GJB1: variants seen among roughly 807,000 people sequenced by gnomAD.
The protein encoded by GJB1 is gap junction protein beta 1.
A neutral mutation model predicts 12.0 loss-of-function variants in GJB1; 1 was observed. The ratio of observed to expected loss-of-function variants is 0.08; its 90% CI spans 0.03 to 0.40. The LOEUF (loss-of-function observed/expected upper bound fraction) is 0.40, where lower values mean the gene tolerates loss of function less well. Among genes scored for constraint, GJB1 ranks in the 10% least tolerant of loss-of-function variants. The pLI is 0.98. For synonymous variants in GJB1, 114 were observed against 102.8 expected (o/e 1.11, Z -0.66); for missense variants, 140 against 250.3 (o/e 0.56, Z 2.97).
At position 71,224,545 on chromosome X, in the gene GJB1, T is replaced by C; in HGVS notation, c.838T>C (p.Cys280Arg). 1 of 1,185,059 alleles carries C rather than the reference T, an allele frequency of 8.4e-7. No individual in the cohort carries two copies. The highest frequency in any genetic ancestry group is 1.1e-6 in the Non-Finnish European group (1 of 881,900). Residue 280 changes from cysteine (C) to arginine (R), a missense_variant, in exon 2 of 2, where the codon TGC becomes CGC. Around this residue, in one of 4 missense-constraint regions of GJB1, gnomAD observed 75 missense variants for 78.8 expected, o/e 0.95. Transcript: ENST00000361726. The part of the protein sequence containing the change: ...GAGLAEKSDR[C>R]SAC ...TGGGCTGGCTGAAAAGAGCGACCGC[T>C]GCTCGGCCTGCTGATGCCACATACC...
chrX:71,220,142 CTTTT>C (rs41353351), upstream of GJB1, among the ~76,000 whole-genome samples: 5,979 of 52,568 alleles, frequency 0.11, 404 homozygotes, highest in African/African-American at 0.26. Context: ...TGTGCCTGGC[CTTTT>C]TTTTTTTTTT....
chrX:71,219,773 C>CGAA, upstream of GJB1, among the ~76,000 whole-genome samples: 1 of 22,057 alleles, frequency 4.5e-5, no homozygotes, highest in South Asian at 6.6e-3. Flanking sequence ...GACTCCCTCT[C>CGAA]AAAAAAAAAA....
rs910816314 is a variant in GJB1 at position 71,223,297 on chromosome X, G to C, written c.-55G>C. The C allele has an allele frequency of 7.6e-6, 2 of 263,554 alleles. No homozygotes were observed. Among genetic ancestry groups the C allele is most frequent in the African/African-American group, 2.8e-5 (1 of 35,794 alleles). The allele number at this position is 263,554 out of a possible 1,213,427, so 21.7% of individuals were successfully genotyped here. On this transcript the variant is annotated 5_prime_UTR_variant, in exon 1 of 2. Coordinates refer to ENST00000361726, the MANE Select transcript of GJB1 (RefSeq NM_000166.6). ...CCTGCACAGACATGAGACCATAGGG[G>C]ACCTGTCTGGGTGGCCTCAGGGATA...
chrX:71,224,149 G>A lies in GJB1; in HGVS notation c.442G>A (p.Val148Ile), dbSNP rs775956201. The change falls in exon 2 of 2, where the codon GTC (valine) becomes ATC (isoleucine). Residue 148 changes from valine (V) to isoleucine (I), a missense_variant. Val to Ile is a conservative substitution (Grantham distance 29). Coordinates refer to ENST00000361726, the MANE Select transcript of GJB1 (RefSeq NM_000166.6). The part of the protein sequence containing the change: ...SVVFRLLFEA[V>I]FMYVFYLLYP... ...GGTGTTCCGGCTGTTGTTTGAGGCC[G>A]TCTTCATGTATGTCTTTTATCTGCT... is the stretch of plus-strand genomic sequence containing the variant. 2.2e-5 allele frequency: 26 copies of A among 1,202,544 alleles called. No homozygotes were observed. In the South Asian group the frequency reaches 3.8e-4, roughly 17 times the overall value.
intron 1 of GJB1, 108 bp from the exon 2 acceptor site, chrX:71,223,584 T>C: frequency 1.4e-6 from 1 of 725,258 alleles, no homozygotes; most frequent in Non-Finnish European, 2.2e-6. Context: ...CTTCCTTTCC[T>C]GCTACTGGCT....
upstream of GJB1, among the ~76,000 whole-genome samples, chrX:71,222,986 C>G (rs781399097): frequency 9.0e-6 from 1 of 110,934 alleles, no homozygotes; most frequent in Admixed American, 9.6e-5. Context: ...TCCCTCCCCC[C>G]GCCCCCCCGT....
At chrX:71,216,305 G>T (rs1237091109) in intron 1 of GJB1, among the ~76,000 whole-genome samples, 1 of 110,678 alleles carries the variant, frequency 9.0e-6, no homozygotes, top group Non-Finnish European at 1.9e-5. Context: ...GGGTTTTAAT[G>T]GAGAGAAGTA....
Position 71,223,613 on chromosome X carries a change from G to A in GJB1, c.-16-79G>A, listed in dbSNP as rs751446751. On this transcript the variant is annotated intron_variant, in intron 1 of 1. Coordinates refer to ENST00000361726, the MANE Select transcript of GJB1 (RefSeq NM_000166.6). ...ACTGGCTCTTGGAAGAGTTGAGGGGGGGTGCGCAGGCAGTGCTATGGCGCC... is the reference window on the plus strand; with the variant it reads ...ACTGGCTCTTGGAAGAGTTGAGGGGAGGTGCGCAGGCAGTGCTATGGCGCC... 7.8e-5 allele frequency: 71 copies of A among 912,099 alleles called. 2 individuals carry two copies. In the South Asian group the frequency reaches 1.3e-3, roughly 17 times the overall value. The allele number at this position is 912,099 out of a possible 1,213,427, so 75.2% of individuals were successfully genotyped here.
chrX:71,222,220 C>A (rs369784513), upstream of GJB1, among the ~76,000 whole-genome samples: 3 of 110,300 alleles, frequency 2.7e-5, no homozygotes, highest in Non-Finnish European at 5.7e-5. Flanking sequence ...TTTATTCCCC[C>A]AAAGCAACTT....
chrX:71,217,470 G>A (rs1482697420), intron 1 of GJB1, among the ~76,000 whole-genome samples: 1 of 111,845 alleles, frequency 8.9e-6, no homozygotes, highest in Non-Finnish European at 1.9e-5. Flanking sequence ...CAGGGCCAGA[G>A]CCTGACAAGG....
At chrX:71,219,846 C>CT (rs1222643782), upstream of GJB1, among the ~76,000 whole-genome samples, 102 of 76,177 alleles carry the variant, frequency 1.3e-3, no homozygotes, top group African/African-American at 2.1e-3. Flanking sequence ...TTCTTTTATT[C>CT]TTTTTTTTTT....
At chrX:71,216,135 T>C (rs2092525488) in intron 1 of GJB1, among the ~76,000 whole-genome samples, 1 of 110,786 alleles carries the variant, frequency 9.0e-6, no homozygotes, top group Non-Finnish European at 1.9e-5. Context: ...CCTCCCAAAG[T>C]GCTGGGATTA....
upstream of GJB1, among the ~76,000 whole-genome samples, chrX:71,220,141 C>CTTTTT (rs1569213982): frequency 1.4e-5 from 1 of 69,464 alleles, no homozygotes; most frequent in African/African-American, 1.0e-4. Flanking sequence ...CTGTGCCTGG[C>CTTTTT]CTTTTTTTTT....
upstream of GJB1, among the ~76,000 whole-genome samples, chrX:71,218,687 T>C (rs1481600652): frequency 9.1e-6 from 1 of 109,908 alleles, no homozygotes; most frequent in Non-Finnish European, 1.9e-5. Flanking sequence ...ATCAAGACCA[T>C]CCTGGCTAAC....
upstream of GJB1, among the ~76,000 whole-genome samples, chrX:71,221,668 T>C (rs1049322164): frequency 9.0e-6 from 1 of 111,274 alleles, no homozygotes; most frequent in East Asian, 2.8e-4. Flanking sequence ...TCCTTGCAAC[T>C]TAATGGCAGA....
upstream of GJB1, among the ~76,000 whole-genome samples, chrX:71,220,309 C>T (rs2092534637): frequency 9.4e-6 from 1 of 105,952 alleles, no homozygotes; most frequent in Non-Finnish European, 1.9e-5. Flanking sequence ...GGATTACAGG[C>T]GTGAGCCACT....
Position 71,224,889 on chromosome X carries a change from C to T in GJB1, c.*330C>T, listed in dbSNP as rs2092547831. On this transcript the variant is annotated 3_prime_UTR_variant, in exon 2 of 2. Transcript: ENST00000361726. ...CAGCGTCTCCAATTATGAAACTAAT[C>T]TTAACCCTGTGCTGTCAGATACCCT... The T allele has an allele frequency of 2.8e-6, 1 of 354,137 alleles. No homozygotes were observed. The highest frequency in any genetic ancestry group is 2.6e-5 in the African/African-American group (1 of 38,335). 29.2% of individuals were successfully genotyped at this position (354,137 alleles called of 1,213,427 possible).
intron 1 of GJB1, among the ~76,000 whole-genome samples, chrX:71,216,488 G>A (rs6625771): frequency 9.2e-6 from 1 of 108,227 alleles, no homozygotes; most frequent in African/African-American, 3.4e-5. Context: ...CCTGGCTCAC[G>A]GGGTTGTTGT....
chrX:71,224,898 G>A lies in GJB1; in HGVS notation c.*339G>A. 1 of 331,134 alleles carries A rather than the reference G, an allele frequency of 3.0e-6. No individual in the cohort carries two copies. The highest frequency in any genetic ancestry group is 4.5e-5 in the South Asian group (1 of 22,357). The allele number at this position is 331,134 out of a possible 1,213,427, so 27.3% of individuals were successfully genotyped here. A position where few individuals can be genotyped will look rare whatever the true frequency, so the allele number is the denominator to read the frequency against. On this transcript the variant is annotated 3_prime_UTR_variant, in exon 2 of 2. Transcript: ENST00000361726. Reference sequence around the variant, plus strand: ...CAATTATGAAACTAATCTTAACCCTGTGCTGTCAGATACCCTGTTTCTGGA... The same window carrying A: ...CAATTATGAAACTAATCTTAACCCTATGCTGTCAGATACCCTGTTTCTGGA...
Sources: allele counts gnomAD v4.1 joint callset (sites outside exome capture counted in the v4.1 genomes callset), GRCh38; gene constraint gnomAD v4.1.1; regional missense constraint gnomAD v4.1.1; transcripts MANE v1.5; gene names NCBI Gene and HGNC (gene_info 2026-07-23, HGNC 2026-07-21).